CORIN: variants seen among roughly 807,000 people sequenced by gnomAD.
CORIN encodes the protein corin, serine peptidase.
CORIN carries 117 observed loss-of-function variants against 125.3 expected under a neutral mutation model. The observed-to-expected ratio is 0.93, with a 90% CI of 0.80 to 1.09. The LOEUF (loss-of-function observed/expected upper bound fraction) is 1.09. Ranked by LOEUF, CORIN falls within the 50% of genes least tolerant of loss-of-function variation. CORIN has a pLI of 0.00. For synonymous variants in CORIN, 450 were observed against 466.4 expected, an observed-to-expected ratio of 0.96 and a Z score of 0.45; for missense variants, 1,253 against 1,306.7, an observed-to-expected ratio of 0.96 and a Z score of 0.63.
At chr4:47,659,765 A>G (rs559947169) in intron 12 of CORIN, among the ~76,000 whole-genome samples, 1 of 152,328 alleles carries the variant, frequency 6.6e-6, no homozygotes, top group South Asian at 2.1e-4. Context: ...AGGGACAAAT[A>G]TCCAAACTAT....
intron 1 of CORIN, among the ~76,000 whole-genome samples, chr4:47,827,719 T>C (rs1043178452): frequency 6.6e-6 from 1 of 152,202 alleles, no homozygotes. Flanking sequence ...AAAAATTATT[T>C]CTTAACTTTG....
intron 2 of CORIN, among the ~76,000 whole-genome samples, chr4:47,796,668 T>TA (rs1253063759): frequency 2.0e-5 from 3 of 152,092 alleles, no homozygotes; most frequent in Non-Finnish European, 2.9e-5. Context: ...ATTTCACAGG[T>TA]ATATACTTGT....
chr4:47,781,385 C>A (rs1730537951), intron 3 of CORIN, among the ~76,000 whole-genome samples: 1 of 152,134 alleles, frequency 6.6e-6, no homozygotes, highest in Admixed American at 6.6e-5. Context: ...TATAACCATT[C>A]TGTTTTTCAC....
chr4:47,650,390 T>C (rs1014898349), intron 13 of CORIN, among the ~76,000 whole-genome samples: 1 of 152,220 alleles, frequency 6.6e-6, no homozygotes, highest in Admixed American at 6.5e-5. Flanking sequence ...GCACCTGTTG[T>C]AGCTATATTT....
At chr4:47,651,377 G>A (rs766912992) in intron 13 of CORIN, among the ~76,000 whole-genome samples, 22 of 152,228 alleles carry the variant, frequency 1.4e-4, no homozygotes, top group Non-Finnish European at 2.6e-4. Flanking sequence ...ATGCACATAC[G>A]AAAACAGAAA....
intron 10 of CORIN, among the ~76,000 whole-genome samples, chr4:47,674,024 A>G (rs762422095): frequency 6.6e-6 from 1 of 152,184 alleles, no homozygotes; most frequent in Non-Finnish European, 1.5e-5. Context: ...TATGAACTTC[A>G]TATTTGCTTC....
chr4:47,786,310 G>A lies in CORIN; in HGVS notation c.409+415C>T, dbSNP rs930787398. ...GGCACTTTGGGAGGCCGAGGCGGGCGGATCACTTGAGGTCAGGAGTTCGAG... is the reference window on the plus strand; with the variant it reads ...GGCACTTTGGGAGGCCGAGGCGGGCAGATCACTTGAGGTCAGGAGTTCGAG... On this transcript the variant is annotated intron_variant, in intron 3 of 21. Transcript: ENST00000273857. Among the ~76,000 whole-genome samples the A allele has an allele frequency of 3.3e-5, 5 of 152,170 alleles. No individual in the cohort carries two copies. In the East Asian group the frequency reaches 5.8e-4, roughly 18 times the overall value.
At chr4:47,685,445 T>C (rs1042323655) in intron 6 of CORIN, among the ~76,000 whole-genome samples, 1 of 152,168 alleles carries the variant, frequency 6.6e-6, no homozygotes, top group Non-Finnish European at 1.5e-5. Context: ...GTTTATGGAA[T>C]TCCCAGAAAA....
At chr4:47,783,353 A>G (rs1219593682) in intron 3 of CORIN, among the ~76,000 whole-genome samples, 1 of 152,136 alleles carries the variant, frequency 6.6e-6, no homozygotes, top group Non-Finnish European at 1.5e-5. Context: ...CTCCAGAAGT[A>G]CCAGATGTCA....
At chr4:47,820,919 A>G (rs1439629964) in intron 1 of CORIN, among the ~76,000 whole-genome samples, 3 of 152,226 alleles carry the variant, frequency 2.0e-5, no homozygotes, top group African/African-American at 7.2e-5. Flanking sequence ...AAAGTACAGC[A>G]TAAATAATTT....
chr4:47,801,953 C>T (rs1731563960), intron 2 of CORIN, among the ~76,000 whole-genome samples: 1 of 152,234 alleles, frequency 6.6e-6, no homozygotes, highest in East Asian at 1.9e-4. Flanking sequence ...ACCTCTCCTT[C>T]ATCCTCCAGC....
intron 5 of CORIN, among the ~76,000 whole-genome samples, chr4:47,715,610 G>T (rs113368772): frequency 5.5e-4 from 84 of 152,164 alleles, no homozygotes; most frequent in African/African-American, 1.9e-3. Context: ...AAAAAAAAAG[G>T]GGGGGAGCAT....
chr4:47,747,696 A>G (rs1184233334), intron 4 of CORIN, among the ~76,000 whole-genome samples: 1 of 152,144 alleles, frequency 6.6e-6, no homozygotes, highest in Non-Finnish European at 1.5e-5. Context: ...TCTACAGGAA[A>G]GCCTCAGTCT....
At position 47,661,810 on chromosome 4, in the gene CORIN, T is replaced by C; in HGVS notation, c.1636A>G (p.Ile546Val). Residue 546 changes from isoleucine (I) to valine (V), a missense_variant, in exon 12 of 22, where the codon ATT becomes GTT. Transcript: ENST00000273857. ...TCTTCAGGCCACTGTAGGCCCACAA[T>C]CCCAAGAACAGACTCACAGCGTTCT... ...SKERCESVLGIVGLQWPEDTD... is the reference protein window; with the variant it reads ...SKERCESVLGVVGLQWPEDTD... 14 of 1,613,564 alleles carry C rather than the reference T, an allele frequency of 8.7e-6. No individual in the cohort carries two copies. Among genetic ancestry groups the C allele is most frequent in the Non-Finnish European group, 1.2e-5 (14 of 1,179,664 alleles).
chr4:47,706,321 A>T (rs1726547326), intron 5 of CORIN: 1 of 1,391,616 alleles, frequency 7.2e-7, no homozygotes, highest in African/African-American at 1.4e-5. Flanking sequence ...CTTTCAAGAA[A>T]ACTACCAACT....
chr4:47,803,442 C>T (rs1223194979), intron 2 of CORIN, among the ~76,000 whole-genome samples: 1 of 152,152 alleles, frequency 6.6e-6, no homozygotes, highest in African/African-American at 2.4e-5. Flanking sequence ...ATCACATTAC[C>T]TGACTTCAAA....
chr4:47,703,752 T>C (rs779592623), intron 5 of CORIN, among the ~76,000 whole-genome samples: 2 of 152,164 alleles, frequency 1.3e-5, no homozygotes, highest in Admixed American at 6.5e-5. Flanking sequence ...TCTCAAACTA[T>C]TGAAAAACGC....
At chr4:47,692,392 A>G (rs1725810844) in intron 6 of CORIN, among the ~76,000 whole-genome samples, 1 of 152,170 alleles carries the variant, frequency 6.6e-6, no homozygotes, top group African/African-American at 2.4e-5. Flanking sequence ...AGTGCAAAAC[A>G]ACTTGAAATC....
chr4:47,723,869 G>A (rs1168706359), intron 5 of CORIN, among the ~76,000 whole-genome samples: 23 of 151,808 alleles, frequency 1.5e-4, no homozygotes, highest in South Asian at 4.2e-4. Context: ...GGTGGTGGGC[G>A]CCTGTAGTCC....
Sources: allele counts gnomAD v4.1 joint callset (sites outside exome capture counted in the v4.1 genomes callset), GRCh38; gene constraint gnomAD v4.1.1; transcripts MANE v1.5; gene names NCBI Gene and HGNC (gene_info 2026-07-23, HGNC 2026-07-21).